Variants in BAZ1B observed in about 807,000 individuals in gnomAD.
BAZ1B encodes the protein tyrosine-protein kinase BAZ1B.
In BAZ1B, 22 loss-of-function variants were observed where a neutral mutation model predicts 153.8. That is an observed-to-expected ratio of 0.14 (90% CI 0.10 to 0.20). The LOEUF (loss-of-function observed/expected upper bound fraction) is 0.20, where lower values mean the gene tolerates loss of function less well. BAZ1B is among the 10% of genes least tolerant of loss of function. The pLI, the probability that BAZ1B is intolerant of heterozygous loss-of-function variation, is 1.00. For synonymous variants in BAZ1B, 676 were observed against 633.4 expected (o/e 1.07, Z -1.01); for missense variants, 1,325 against 1,799.3 (o/e 0.74, Z 4.77).
At chr7:73,491,300 A>C (rs1425982457) in intron 5 of BAZ1B, among the ~76,000 whole-genome samples, 1 of 152,056 alleles carries the variant, frequency 6.6e-6, no homozygotes, top group Non-Finnish European at 1.5e-5. Context: ...AAGACAAAAA[A>C]ACAAAACAAC....
chr7:73,496,011 A>T (rs1399811520), intron 4 of BAZ1B, among the ~76,000 whole-genome samples: 1 of 152,212 alleles, frequency 6.6e-6, no homozygotes, highest in Non-Finnish European at 1.5e-5. Context: ...AAACGTTAAA[A>T]AATAAATAAA....
At position 73,444,003 on chromosome 7, in the gene BAZ1B, T is replaced by C. The variant is rs1554565705; in HGVS notation, c.3971A>G (p.Asp1324Gly). 3.1e-6 allele frequency: 5 copies of C among 1,613,522 alleles called. No individual in the cohort carries two copies. Among genetic ancestry groups the C allele is most frequent in the Middle Eastern group, 1.7e-4 (1 of 6,056 alleles). ...RSQPKAPPVD[D>G]AEVDELVLQT... Reference sequence around the variant, plus strand: ...TCTCACCAGCTCATCCACCTCAGCATCATCCACAGGTGGTGCCTTGGGCTG... The same window carrying C: ...TCTCACCAGCTCATCCACCTCAGCACCATCCACAGGTGGTGCCTTGGGCTG... The change falls in exon 17 of 20, where the codon GAT becomes GGT. Residue 1324 changes from aspartate to glycine, a missense_variant. By Grantham distance (94) the Asp-to-Gly change is moderately conservative. Transcript: ENST00000339594.
At chr7:73,476,720 A>AT in intron 7 of BAZ1B, 148 bp downstream of exon 7, 4 of 1,317,250 alleles carry the variant, frequency 3.0e-6, no homozygotes, top group Non-Finnish European at 4.0e-6. Flanking sequence ...AACAGAACTA[A>AT]TAAAAAATAA....
chr7:73,451,090 C>A (rs1032428805), intron 13 of BAZ1B, 96 bp from the exon 14 acceptor site: 3 of 1,426,674 alleles, frequency 2.1e-6, no homozygotes, highest in Non-Finnish European at 2.8e-6. Context: ...ATTCTGAGGA[C>A]ACTTGCCTCC....
At chr7:73,483,326 A>G (rs1268874789) in intron 6 of BAZ1B, among the ~76,000 whole-genome samples, 4 of 152,206 alleles carry the variant, frequency 2.6e-5, no homozygotes, top group African/African-American at 9.6e-5. Flanking sequence ...ACTTAATAAT[A>G]AGCAATATAA....
Position 73,440,457 on chromosome 7 carries a change from T to C in BAZ1B, c.*1252A>G, listed in dbSNP as rs1787566452. The C allele has an allele frequency of 6.6e-6, 1 of 151,594 alleles. No homozygotes were observed. The highest frequency in any genetic ancestry group is 2.4e-5 in the African/African-American group (1 of 41,164). 9.4% of individuals were successfully genotyped at this position (151,594 alleles called of 1,614,324 possible). Reference sequence around the variant, plus strand: ...GAGGTTTATTTGAAATTCCAATTTATTACAAGTTCACCCTTTAATGGGGCC... The same window carrying C: ...GAGGTTTATTTGAAATTCCAATTTACTACAAGTTCACCCTTTAATGGGGCC... On this transcript the variant is annotated 3_prime_UTR_variant, in exon 20 of 20. Coordinates refer to ENST00000339594, the MANE Select transcript of BAZ1B (RefSeq NM_032408.4).
Position 73,480,349 on chromosome 7 carries a change from A to G in BAZ1B, c.892-1780T>C, listed in dbSNP as rs1789154471. Among the ~76,000 whole-genome samples, 2 of 152,278 alleles carry G rather than the reference A, an allele frequency of 1.3e-5. 1 individual carries two copies. The highest frequency in any genetic ancestry group is 2.9e-5 in the Non-Finnish European group (2 of 68,012). On this transcript the variant is annotated intron_variant, in intron 6 of 19. Coordinates refer to ENST00000339594, the MANE Select transcript of BAZ1B (RefSeq NM_032408.4). Reference sequence around the variant, plus strand: ...ATCATATACAATCAGTTAACAGGTTACAGTCCGGTCCATTTGTCATGATAC... The same window carrying G: ...ATCATATACAATCAGTTAACAGGTTGCAGTCCGGTCCATTTGTCATGATAC...
chr7:73,444,271 G>A, intron 16 of BAZ1B, 142 bp from the exon 17 acceptor site: 1 of 974,468 alleles, frequency 1.0e-6, no homozygotes, highest in Non-Finnish European at 1.5e-6. Context: ...AGGTGCTCTT[G>A]CTATTTTATC....
chr7:73,501,276 C>A lies in BAZ1B; in HGVS notation c.370-2578G>T, dbSNP rs191091526. 4.8e-3 allele frequency among the ~76,000 whole-genome samples: 732 copies of A among 152,024 alleles called. 8 individuals carry two copies. Among genetic ancestry groups the A allele is most frequent in the African/African-American group, 0.017 (703 of 41,472 alleles). ...CGCCTCAAAACAAAACAAAACAAAA[C>A]AAAAACAAAAACAACAGATTTCAAA... On this transcript the variant is annotated intron_variant, in intron 3 of 19. Coordinates refer to ENST00000339594, the MANE Select transcript of BAZ1B (RefSeq NM_032408.4).
intron 2 of BAZ1B, among the ~76,000 whole-genome samples, chr7:73,510,088 C>G (rs893446025): frequency 6.6e-6 from 1 of 151,566 alleles, no homozygotes; most frequent in Non-Finnish European, 1.5e-5. Flanking sequence ...AATCGTGCCC[C>G]TGCATTCCAG....
chr7:73,465,308 A>T (rs370376834), intron 11 of BAZ1B, 131 bp downstream of exon 11: 1 of 566,156 alleles, frequency 1.8e-6, no homozygotes, highest in African/African-American at 1.9e-5. Flanking sequence ...AGGCAATATG[A>T]ACACAAAACG....
intron 3 of BAZ1B, among the ~76,000 whole-genome samples, chr7:73,499,072 C>T (rs1055527732): frequency 2.6e-5 from 4 of 152,124 alleles, no homozygotes; most frequent in Non-Finnish European, 5.9e-5. Flanking sequence ...GTCACCCAGG[C>T]TGAAGTGCAG....
At chr7:73,465,297 C>A in intron 11 of BAZ1B, 142 bp downstream of exon 11, 1 of 512,286 alleles carries the variant, frequency 2.0e-6, no homozygotes, top group East Asian at 3.3e-5. Flanking sequence ...AAGAAAATAC[C>A]AGGCAATATG....
At chr7:73,442,158 T>TCCCCC in intron 19 of BAZ1B, 23 bp downstream of exon 19, 3 of 456,504 alleles carry the variant, frequency 6.6e-6, no homozygotes, top group Non-Finnish European at 8.3e-6. Context: ...TCCCTAGCTG[T>TCCCCC]CCCCCCACCT....
Position 73,450,728 on chromosome 7 carries a change from AATCT to A in BAZ1B, c.3580+115_3580+118del. ...ATGTTACAGACCTGCAGGAGAGTAA[AATCT>A]ATACCACACTTATATTCTGTGTACA... is the stretch of plus-strand genomic sequence containing the variant. On this transcript the variant is annotated intron_variant, in intron 14 of 19. Transcript: ENST00000339594. This position sits in a 1 kb window ranked among gnomAD's most constrained non-coding sequence, Gnocchi z 4.1. 2 of 1,242,116 alleles carry A rather than the reference AATCT, an allele frequency of 1.6e-6. No individual in the cohort carries two copies. Among genetic ancestry groups the A allele is most frequent in the South Asian group, 2.9e-5 (2 of 68,690 alleles). The allele number at this position is 1,242,116 out of a possible 1,614,324, so 76.9% of individuals were successfully genotyped here. A position where few individuals can be genotyped will look rare whatever the true frequency, so the allele number is the denominator to read the frequency against.
intron 4 of BAZ1B, among the ~76,000 whole-genome samples, chr7:73,494,532 C>G (rs1297583884): frequency 6.6e-6 from 1 of 152,116 alleles, no homozygotes; most frequent in Non-Finnish European, 1.5e-5. Flanking sequence ...ACTGCTTGAG[C>G]CCAGGAGTTT....
chr7:73,518,911 T>C (rs1225950898), intron 1 of BAZ1B, among the ~76,000 whole-genome samples: 1 of 152,202 alleles, frequency 6.6e-6, no homozygotes, highest in South Asian at 2.1e-4. Context: ...AACACGCTGC[T>C]TGTAGCTCCA....
chr7:73,479,875 A>G (rs1258710619), intron 6 of BAZ1B, among the ~76,000 whole-genome samples: 3 of 152,180 alleles, frequency 2.0e-5, no homozygotes, highest in Non-Finnish European at 4.4e-5. Flanking sequence ...GATAAATAAA[A>G]GTGGGTGGTC....
chr7:73,512,406 TA>T (rs1583956906), intron 1 of BAZ1B, among the ~76,000 whole-genome samples: 1 of 152,124 alleles, frequency 6.6e-6, no homozygotes, highest in East Asian at 1.9e-4. Context: ...TACCCTGGTT[TA>T]AAAAATAAAT....
Sources: allele counts gnomAD v4.1 joint callset (sites outside exome capture counted in the v4.1 genomes callset), GRCh38; gene constraint gnomAD v4.1.1; non-coding constraint Gnocchi (gnomAD v3.1); transcripts MANE v1.5; gene names NCBI Gene and HGNC (gene_info 2026-07-23, HGNC 2026-07-21).